The following NCOA7 variants were observed in gnomAD, a reference collection of about 807,000 sequenced individuals.
NCOA7 encodes 140 kDa estrogen receptor-associated protein.
NCOA7 carries 45 observed loss-of-function variants against 104.3 expected under a neutral mutation model. The observed-to-expected ratio is 0.43, with a 90% CI of 0.34 to 0.55. NCOA7 has a LOEUF of 0.55. Among genes scored for constraint, NCOA7 ranks in the 20% least tolerant of loss-of-function variants. NCOA7 has a pLI of 0.02. For synonymous variants in NCOA7, 398 were observed against 402.3 expected (o/e 0.99, Z 0.13); for missense variants, 1,041 against 1,119.7 (o/e 0.93, Z 1.00).
chr6:125,890,684 T>G lies in NCOA7; in HGVS notation c.1970T>G (p.Met657Arg). The G allele has an allele frequency of 6.2e-7, 1 of 1,613,716 alleles. No individual in the cohort carries two copies. Among genetic ancestry groups the G allele is most frequent in the Non-Finnish European group, 8.5e-7 (1 of 1,179,828 alleles). Residue 657 changes from methionine (M) to arginine (R), a missense_variant, in exon 10 of 16, where the codon ATG becomes AGG. Coordinates refer to ENST00000392477, the MANE Select transcript of NCOA7 (RefSeq NM_181782.5). ...GAAGAAAAAAGCAAGACCCCACCCA[T>G]GTTCCTGTGCATCAAAGTGGGAAAA... ...SKEEKSKTPP[M>R]FLCIKVGKPM...
chr6:125,878,837 G>A (rs111638022), intron 5 of NCOA7, among the ~76,000 whole-genome samples: 14 of 152,140 alleles, frequency 9.2e-5, no homozygotes, highest in Admixed American at 5.9e-4. Context: ...TTTTCTGAAG[G>A]CAATAGGAAA....
intron 10 of NCOA7, among the ~76,000 whole-genome samples, chr6:125,910,843 A>G (rs954787051): frequency 2.0e-5 from 3 of 152,238 alleles, no homozygotes; most frequent in South Asian, 2.1e-4. Flanking sequence ...TCCAGTTAGT[A>G]AAGTACTATG....
chr6:125,851,048 T>C (rs536820827), intron 2 of NCOA7, among the ~76,000 whole-genome samples: 12 of 152,360 alleles, frequency 7.9e-5, no homozygotes, highest in Non-Finnish European at 1.3e-4. Flanking sequence ...ATATGTTTAA[T>C]GAAAATAATT....
chr6:125,866,509 T>C (rs1332575827), intron 3 of NCOA7, among the ~76,000 whole-genome samples: 1 of 152,168 alleles, frequency 6.6e-6, no homozygotes, highest in East Asian at 1.9e-4. Flanking sequence ...TGCAAAGTGC[T>C]TTTTCTGAAT....
intron 3 of NCOA7, 29 bp downstream of exon 3, chr6:125,855,269 T>A (rs1781457743): frequency 6.6e-7 from 1 of 1,506,132 alleles, no homozygotes; most frequent in Non-Finnish European, 9.1e-7. Flanking sequence ...ACTGCAGTAT[T>A]TTCATTTAAA....
intron 10 of NCOA7, among the ~76,000 whole-genome samples, chr6:125,894,707 T>G (rs1296322343): frequency 2.0e-5 from 3 of 151,750 alleles, no homozygotes; most frequent in Non-Finnish European, 4.4e-5. Flanking sequence ...ACACACTGAT[T>G]TGGACTGTAT....
At position 125,928,890 on chromosome 6, in the gene NCOA7, C is replaced by A; in HGVS notation, c.*119C>A. On this transcript the variant is annotated 3_prime_UTR_variant, in exon 16 of 16. Coordinates refer to ENST00000392477, the MANE Select transcript of NCOA7 (RefSeq NM_181782.5). Reference sequence around the variant, plus strand: ...CTCATCCCACCCCAATGCTTCCTTTCTGCCATCATCTCAGAGCATGATCAC... The same window carrying A: ...CTCATCCCACCCCAATGCTTCCTTTATGCCATCATCTCAGAGCATGATCAC... The A allele has an allele frequency of 9.4e-7, 1 of 1,065,302 alleles. No homozygotes were observed. Among genetic ancestry groups the A allele is most frequent in the African/African-American group, 1.6e-5 (1 of 61,628 alleles). The allele number at this position is 1,065,302 out of a possible 1,614,324, so 66.0% of individuals were successfully genotyped here. A position where few individuals can be genotyped will look rare whatever the true frequency, so the allele number is the denominator to read the frequency against.
At chr6:125,890,189 A>G (rs1187872939) in intron 9 of NCOA7, among the ~76,000 whole-genome samples, 1 of 152,222 alleles carries the variant, frequency 6.6e-6, no homozygotes, top group Non-Finnish European at 1.5e-5. Context: ...AGATCTCTAG[A>G]TACCTACTTC....
At position 125,924,914 on chromosome 6, in the gene NCOA7, G is replaced by C. The variant is rs112849953; in HGVS notation, c.2523+2080G>C. Among the ~76,000 whole-genome samples, 758 of 152,244 alleles carry C rather than the reference G, an allele frequency of 5.0e-3. 6 individuals are homozygous for C. The highest frequency in any genetic ancestry group is 0.017 in the African/African-American group (711 of 41,524). ...ATTTCTTATCTCCCACCCAAGATCAGTGTTTCTGAGGCTAAAATCCAAGCA... is the reference window on the plus strand; with the variant it reads ...ATTTCTTATCTCCCACCCAAGATCACTGTTTCTGAGGCTAAAATCCAAGCA... On this transcript the variant is annotated intron_variant, in intron 13 of 15. Coordinates refer to ENST00000392477, the MANE Select transcript of NCOA7 (RefSeq NM_181782.5).
chr6:125,886,164 GAAAAA>G (rs57159294), intron 8 of NCOA7, among the ~76,000 whole-genome samples: 2 of 115,932 alleles, frequency 1.7e-5, no homozygotes, highest in East Asian at 2.5e-4. Flanking sequence ...GGGCTTATAT[GAAAAA>G]AAAAAAAAAA....
In NCOA7 at chr6:125,889,158, A is replaced by G; in HGVS notation, c.1104A>G (p.Ser368=). ...TPTKPSGSSV[S]EKLKKLDSSR... ...CAAAGCCCTCAGGCAGCTCTGTGTCAGAGAAATTAAAGAAACTGGACTCCT... is the reference window on the plus strand; with the variant it reads ...CAAAGCCCTCAGGCAGCTCTGTGTCGGAGAAATTAAAGAAACTGGACTCCT... Residue 368 remains serine (S), a synonymous_variant, in exon 9 of 16, where the codon TCA becomes TCG. Transcript: ENST00000392477. 6.2e-7 allele frequency: 1 copy of G among 1,614,152 alleles called. No homozygotes were observed. Among genetic ancestry groups the G allele is most frequent in the East Asian group, 2.2e-5 (1 of 44,862 alleles).
rs1221753773 is a variant in NCOA7, at chr6:125,855,080, G to T, written c.111G>T (p.Arg37Ser). ...NAETASAVAT[R>S]THTGKEDNNT... ...AGACAGCCTCAGCTGTAGCTACAAG[G>T]ACTCATACTGGGAAGGAAGATAATA... is the stretch of plus-strand genomic sequence containing the variant. Residue 37 changes from arginine (R) to serine (S), a missense_variant, in exon 3 of 16, where the codon AGG becomes AGT. By Grantham distance (110) the Arg-to-Ser change is moderately radical. Around this residue, in one of 2 missense-constraint regions of NCOA7, gnomAD observed 914 missense variants for 942.7 expected, o/e 0.97. Transcript: ENST00000392477. 1 of 1,613,188 alleles carries T rather than the reference G, an allele frequency of 6.2e-7. No individual in the cohort carries two copies.
intron 1 of NCOA7, among the ~76,000 whole-genome samples, chr6:125,811,721 C>T (rs757217166): frequency 1.3e-5 from 2 of 152,194 alleles, no homozygotes; most frequent in Non-Finnish European, 1.5e-5. Context: ...TCCTTGCACT[C>T]GAATTCTTGA....
chr6:125,919,606 G>A (rs1267526161), intron 11 of NCOA7, among the ~76,000 whole-genome samples: 1 of 152,182 alleles, frequency 6.6e-6, no homozygotes, highest in Non-Finnish European at 1.5e-5. Flanking sequence ...TCTCATTGGA[G>A]CCAGAAATCC....
intron 10 of NCOA7, among the ~76,000 whole-genome samples, chr6:125,898,911 A>G: frequency 6.6e-6 from 1 of 152,172 alleles, no homozygotes; most frequent in Non-Finnish European, 1.5e-5. Flanking sequence ...AAGAAAATTG[A>G]AATCTCATAG....
At chr6:125,918,399 T>C (rs1343846748) in intron 11 of NCOA7, among the ~76,000 whole-genome samples, 2 of 152,182 alleles carry the variant, frequency 1.3e-5, no homozygotes, top group African/African-American at 4.8e-5. Context: ...GCTGTTGCAT[T>C]GAGAGTCAGT....
At chr6:125,838,461 C>T (rs1400174829) in intron 2 of NCOA7, among the ~76,000 whole-genome samples, 1 of 152,128 alleles carries the variant, frequency 6.6e-6, no homozygotes, top group East Asian at 1.9e-4. Context: ...AAGGGAAGAC[C>T]TGGCTGGATT....
chr6:125,903,017 G>A (rs1168537777), intron 10 of NCOA7, among the ~76,000 whole-genome samples: 1 of 152,166 alleles, frequency 6.6e-6, no homozygotes, highest in Non-Finnish European at 1.5e-5. Context: ...CCTGAGTTAG[G>A]TGCTGCCTTC....
intron 2 of NCOA7, among the ~76,000 whole-genome samples, chr6:125,850,561 C>T (rs1053881074): frequency 2.6e-5 from 4 of 152,108 alleles, no homozygotes. Context: ...TGCTGCCGTT[C>T]ATCAAAGCAC....
Sources: allele counts gnomAD v4.1 joint callset (sites outside exome capture counted in the v4.1 genomes callset), GRCh38; gene constraint gnomAD v4.1.1; regional missense constraint gnomAD v4.1.1; transcripts MANE v1.5; gene names NCBI Gene and HGNC (gene_info 2026-07-23, HGNC 2026-07-21).